PAG1: variants seen among roughly 807,000 people sequenced by gnomAD.
The protein encoded by PAG1 is phosphoprotein membrane anchor with glycosphingolipid microdomains 1, also known as phosphoprotein associated with glycosphingolipid-enriched microdomains 1.
In PAG1, 23 loss-of-function variants were observed where a neutral mutation model predicts 31.7. The ratio of observed to expected loss-of-function variants is 0.73; its 90% CI spans 0.52 to 1.03. PAG1 has a LOEUF of 1.03. Among genes scored for constraint, PAG1 ranks in the 50% least tolerant of loss-of-function variants. The probability of loss-of-function intolerance (pLI) is 0.00; values close to 1 mark genes in which losing one functional copy is unlikely to be tolerated. For synonymous variants in PAG1, 214 were observed against 210.3 expected (o/e 1.02, Z -0.15); for missense variants, 473 against 540.7 (o/e 0.87, Z 1.24).
At chr8:81,100,409 T>C (rs531963754) in intron 1 of PAG1, among the ~76,000 whole-genome samples, 5 of 152,350 alleles carry the variant, frequency 3.3e-5, no homozygotes, top group African/African-American at 1.2e-4. Flanking sequence ...TTTCTCAAGC[T>C]TAGCACTCTA....
intron 2 of PAG1, among the ~76,000 whole-genome samples, chr8:81,041,206 T>G (rs77553424): frequency 1.3e-5 from 2 of 152,136 alleles, no homozygotes; most frequent in Non-Finnish European, 2.9e-5. Flanking sequence ...TTTTTTTTTT[T>G]GTCTGTCATC....
intron 3 of PAG1, among the ~76,000 whole-genome samples, chr8:81,004,312 A>G (rs1484367069): frequency 6.6e-6 from 1 of 152,196 alleles, no homozygotes; most frequent in Non-Finnish European, 1.5e-5. Flanking sequence ...GAGGTTCCAT[A>G]TGTGATAAGA....
intron 1 of PAG1, among the ~76,000 whole-genome samples, chr8:81,089,341 G>A (rs1161352385): frequency 2.6e-5 from 4 of 152,158 alleles, no homozygotes; most frequent in Non-Finnish European, 4.4e-5. Flanking sequence ...GGCTGAGGTG[G>A]GAGGATCACG....
intron 5 of PAG1, 22 bp downstream of exon 5, chr8:80,991,457 C>G (rs776546825): frequency 1.9e-6 from 3 of 1,599,650 alleles, no homozygotes; most frequent in Non-Finnish European, 2.6e-6. Context: ...GACAGACAGG[C>G]AGACGACACG....
At chr8:81,073,724 T>C (rs1032221220) in intron 1 of PAG1, among the ~76,000 whole-genome samples, 1 of 152,242 alleles carries the variant, frequency 6.6e-6, no homozygotes, top group African/African-American at 2.4e-5. Context: ...CCCTGTCCTA[T>C]GTATCTTTCT....
intron 1 of PAG1, among the ~76,000 whole-genome samples, chr8:81,075,948 A>G (rs1330245286): frequency 1.3e-5 from 2 of 152,194 alleles, no homozygotes; most frequent in Non-Finnish European, 2.9e-5. Flanking sequence ...CATTTTCTAG[A>G]TCTGTGATAA....
chr8:81,073,850 T>A (rs931524605), intron 1 of PAG1, among the ~76,000 whole-genome samples: 1 of 151,714 alleles, frequency 6.6e-6, no homozygotes, highest in East Asian at 1.9e-4. Context: ...CTGCTTTGAG[T>A]TGGGGAGTCA....
intron 3 of PAG1, among the ~76,000 whole-genome samples, chr8:80,998,605 A>G (rs201285439): frequency 3.3e-5 from 5 of 151,406 alleles, no homozygotes; most frequent in South Asian, 4.2e-4. Flanking sequence ...GAAAAAAAAA[A>G]CCACACAAAT....
intron 3 of PAG1, among the ~76,000 whole-genome samples, chr8:80,999,134 C>T (rs893295304): frequency 1.3e-5 from 2 of 152,178 alleles, no homozygotes; most frequent in African/African-American, 4.8e-5. Context: ...CTAAAGTGTG[C>T]AAATTCAGGT....
At chr8:80,993,657 G>A (rs185350627) in intron 3 of PAG1, among the ~76,000 whole-genome samples, 1 of 150,932 alleles carries the variant, frequency 6.6e-6, no homozygotes, top group Non-Finnish European at 1.5e-5. Flanking sequence ...GAGTACAGGG[G>A]CGCAATCATG....
intron 1 of PAG1, among the ~76,000 whole-genome samples, chr8:81,105,959 C>T (rs994066039): frequency 3.3e-5 from 5 of 152,190 alleles, no homozygotes; most frequent in African/African-American, 1.2e-4. Flanking sequence ...CAAATGAATA[C>T]ATGATACGGT....
At chr8:81,010,479 A>C (rs1320908811) in intron 3 of PAG1, among the ~76,000 whole-genome samples, 1 of 152,238 alleles carries the variant, frequency 6.6e-6, no homozygotes, top group East Asian at 1.9e-4. Flanking sequence ...TTCAAATATA[A>C]AAATTTCAAC....
At chr8:81,023,511 G>A (rs1808222720) in intron 3 of PAG1, among the ~76,000 whole-genome samples, 1 of 151,662 alleles carries the variant, frequency 6.6e-6, no homozygotes, top group South Asian at 2.1e-4. Context: ...TTAGGCTGCT[G>A]TTTGTATGCA....
intron 3 of PAG1, among the ~76,000 whole-genome samples, chr8:81,026,367 A>C (rs1007013011): frequency 6.7e-6 from 1 of 150,190 alleles, no homozygotes; most frequent in African/African-American, 2.5e-5. Context: ...AAACAAAAAA[A>C]CCCCAAAATA....
At chr8:81,012,425 G>C (rs1586164295) in intron 3 of PAG1, among the ~76,000 whole-genome samples, 2 of 152,214 alleles carry the variant, frequency 1.3e-5, no homozygotes, top group African/African-American at 4.8e-5. Flanking sequence ...GCATAGAAAA[G>C]TATATTTGAA....
chr8:81,028,380 C>T (rs149791544), intron 3 of PAG1, among the ~76,000 whole-genome samples: 8 of 152,356 alleles, frequency 5.3e-5, no homozygotes, highest in Admixed American at 1.3e-4. Flanking sequence ...GCAGCATACA[C>T]TTGCTTCTGT....
Position 80,968,129 on chromosome 8 carries a change from A to G in PAG1, c.*8415T>C, listed in dbSNP as rs1807001169. On this transcript the variant is annotated 3_prime_UTR_variant, in exon 9 of 9. Coordinates refer to ENST00000220597, the MANE Select transcript of PAG1 (RefSeq NM_018440.4). ...CATCAAAACAAAACTTATTCTTAAC[A>G]TGACTAACAGTATTGTTATTTAAAC... The G allele has an allele frequency of 6.6e-6, 1 of 152,266 alleles. No homozygotes were observed. Among genetic ancestry groups the G allele is most frequent in the African/African-American group, 2.4e-5 (1 of 41,472 alleles). 9.4% of individuals were successfully genotyped at this position (152,266 alleles called of 1,614,324 possible).
chr8:81,065,758 C>T (rs1808993870), intron 2 of PAG1, among the ~76,000 whole-genome samples: 1 of 151,498 alleles, frequency 6.6e-6, no homozygotes, highest in African/African-American at 2.4e-5. Context: ...ATCATAAACA[C>T]TTTTAAAACA....
intron 7 of PAG1, 123 bp from the exon 8 acceptor site, chr8:80,980,617 G>C (rs578048854): frequency 1.6e-6 from 1 of 642,496 alleles, no homozygotes; most frequent in Admixed American, 2.8e-5. Flanking sequence ...GAACCACGAA[G>C]AAATTATGGG....
Sources: allele counts gnomAD v4.1 joint callset (sites outside exome capture counted in the v4.1 genomes callset), GRCh38; gene constraint gnomAD v4.1.1; transcripts MANE v1.5; gene names NCBI Gene and HGNC (gene_info 2026-07-23, HGNC 2026-07-21).